PRELID2: variants seen among roughly 807,000 people sequenced by gnomAD.
PRELID2 encodes PRELI domain-containing protein 2.
PRELID2 carries 25 observed loss-of-function variants against 28.4 expected under a neutral mutation model. That is an observed-to-expected ratio of 0.88 (90% CI 0.64 to 1.23). PRELID2 has a LOEUF of 1.23. Among genes scored for constraint, PRELID2 ranks in the 50% most tolerant of loss-of-function variants. The pLI is 0.00. For missense variants in PRELID2, 201 were observed against 214.4 expected (o/e 0.94, Z 0.39); for synonymous variants, 76 against 71.6 (o/e 1.06, Z -0.31).
chr5:145,562,909 A>T (rs1325363689), intron 1 of PRELID2, among the ~76,000 whole-genome samples: 1 of 152,222 alleles, frequency 6.6e-6, no homozygotes, highest in African/African-American at 2.4e-5. Context: ...TTCAACAAGG[A>T]AGAGGTTTCA....
At chr5:145,736,726 G>C (rs750646816) in intron 1 of PRELID2, among the ~76,000 whole-genome samples, 7 of 152,148 alleles carry the variant, frequency 4.6e-5, no homozygotes, top group African/African-American at 1.4e-4. Context: ...ATATGTAAAT[G>C]ATCAATAAAT....
chr5:145,830,445 A>C (rs1420325900), intron 1 of PRELID2, among the ~76,000 whole-genome samples: 1 of 152,232 alleles, frequency 6.6e-6, no homozygotes, highest in African/African-American at 2.4e-5. Flanking sequence ...AGGCAAGCCC[A>C]TTAAAAAGGT....
At chr5:145,460,860 G>A in the PRELID2 span, among the ~76,000 whole-genome samples, 1 of 152,156 alleles carries the variant, frequency 6.6e-6, no homozygotes, top group Admixed American at 6.5e-5. Context: ...ACAATAATAT[G>A]TGTTTACTTA....
chr5:145,720,125 C>A (rs1453421709), intron 1 of PRELID2, among the ~76,000 whole-genome samples: 1 of 151,392 alleles, frequency 6.6e-6, no homozygotes, highest in Non-Finnish European at 1.5e-5. Flanking sequence ...AAAGAAGATC[C>A]AATTACATGT....
intron 1 of PRELID2, among the ~76,000 whole-genome samples, chr5:145,630,655 G>T (rs1020597077): frequency 6.6e-6 from 1 of 152,138 alleles, no homozygotes; most frequent in African/African-American, 2.4e-5. Flanking sequence ...CCTTCTAAAA[G>T]ATTTGGATGA....
chr5:145,791,486 C>T (rs1402582981), intron 5 of PRELID2, among the ~76,000 whole-genome samples: 1 of 152,136 alleles, frequency 6.6e-6, no homozygotes, highest in Non-Finnish European at 1.5e-5. Flanking sequence ...AAGACAAATA[C>T]TGTATGAGTC....
chr5:145,281,672 C>T, the PRELID2 span, among the ~76,000 whole-genome samples: 1 of 152,174 alleles, frequency 6.6e-6, no homozygotes, highest in Non-Finnish European at 1.5e-5. Flanking sequence ...CATGTCTGCT[C>T]TCACAAGTAG....
intron 1 of PRELID2, among the ~76,000 whole-genome samples, chr5:145,527,494 A>G (rs1173235712): frequency 6.6e-6 from 1 of 152,244 alleles, no homozygotes; most frequent in Non-Finnish European, 1.5e-5. Flanking sequence ...TTTAAAAAAC[A>G]AAATAATCTT....
intron 1 of PRELID2, among the ~76,000 whole-genome samples, chr5:145,519,406 G>A (rs1752545133): frequency 6.6e-6 from 1 of 152,154 alleles, no homozygotes; most frequent in Admixed American, 6.5e-5. Flanking sequence ...ATGGAAATCT[G>A]AAGATATTTG....
the PRELID2 span, among the ~76,000 whole-genome samples, chr5:145,419,991 C>A: frequency 4.6e-5 from 7 of 151,946 alleles, no homozygotes; most frequent in African/African-American, 7.3e-5. Context: ...ATAGGGAATC[C>A]TTTCCCCATT....
chr5:145,358,095 G>T, the PRELID2 span, among the ~76,000 whole-genome samples: 3 of 151,968 alleles, frequency 2.0e-5, no homozygotes, highest in East Asian at 5.8e-4. Context: ...GCTCCTTCAG[G>T]CAAGGGCTGC....
At chr5:145,465,542 C>G in the PRELID2 span, among the ~76,000 whole-genome samples, 1 of 152,094 alleles carries the variant, frequency 6.6e-6, no homozygotes, top group African/African-American at 2.4e-5. Flanking sequence ...TGGGTTAACT[C>G]CGACTCTACC....
the PRELID2 span, among the ~76,000 whole-genome samples, chr5:145,315,548 GT>G: frequency 1.4e-4 from 6 of 44,240 alleles, no homozygotes; most frequent in African/African-American, 2.9e-4. Flanking sequence ...CTTTCAGGGT[GT>G]GTGTGTGTGT....
At chr5:145,798,843 G>A (rs1307192732) in intron 4 of PRELID2, among the ~76,000 whole-genome samples, 1 of 152,048 alleles carries the variant, frequency 6.6e-6, no homozygotes, top group Non-Finnish European at 1.5e-5. Context: ...TGGCCACAGA[G>A]TGGGGAACAT....
chr5:145,510,793 T>C (rs915482919), intron 1 of PRELID2, among the ~76,000 whole-genome samples: 11 of 152,338 alleles, frequency 7.2e-5, no homozygotes, highest in Admixed American at 4.6e-4. Flanking sequence ...ACTCTGGGTG[T>C]CCTGTCATCT....
chr5:145,654,681 T>C lies in PRELID2; in HGVS notation n.70+110250A>G, dbSNP rs982570928. Among the ~76,000 whole-genome samples the C allele has an allele frequency of 1.9e-4, 29 of 152,144 alleles. 1 individual carries two copies. Among genetic ancestry groups the C allele is most frequent in the Non-Finnish European group, 2.9e-4 (20 of 68,042 alleles). On this transcript the variant is annotated intron_variant and non_coding_transcript_variant, in intron 1 of 2. Coordinates refer to the PRELID2 transcript ENST00000510259. ...TATCTCAATAGATGCAGAAAAGGCC[T>C]TTGACAAAATTCAACAACCCTTCAT... is the stretch of plus-strand genomic sequence containing the variant.
At chr5:145,508,492 T>G (rs1752432298) in intron 1 of PRELID2, among the ~76,000 whole-genome samples, 1 of 152,054 alleles carries the variant, frequency 6.6e-6, no homozygotes, top group Non-Finnish European at 1.5e-5. Flanking sequence ...GAAAAAGCTT[T>G]TATTTCCCCC....
intron 1 of PRELID2, among the ~76,000 whole-genome samples, chr5:145,703,295 T>C (rs1755456714): frequency 6.6e-6 from 1 of 152,254 alleles, no homozygotes; most frequent in South Asian, 2.1e-4. Flanking sequence ...GTGAACTTCG[T>C]TGATTCAGCA....
intron 1 of PRELID2, among the ~76,000 whole-genome samples, chr5:145,581,103 A>G (rs1753103954): frequency 1.3e-5 from 2 of 151,792 alleles, no homozygotes; most frequent in South Asian, 4.2e-4. Flanking sequence ...GTTGGCCTTA[A>G]AATAGCTCTT....
Sources: gnomAD v4.1 joint callset for allele counts (sites outside exome capture counted in the v4.1 genomes callset) on GRCh38, gnomAD v4.1.1 for gene constraint, MANE v1.5 for transcripts, NCBI Gene and HGNC (gene_info 2026-07-23, HGNC 2026-07-21) for gene names.